FUBP1: variants seen among roughly 807,000 people sequenced by gnomAD.
The protein encoded by FUBP1 is far upstream element binding protein 1.
FUBP1 carries 16 observed loss-of-function variants against 94.9 expected under a neutral mutation model. That is an observed-to-expected ratio of 0.17 (90% CI 0.11 to 0.26). The LOEUF is 0.26. Ranked by LOEUF, FUBP1 falls within the 10% of genes least tolerant of loss-of-function variation. The pLI, the probability that FUBP1 is intolerant of heterozygous loss-of-function variation, is 1.00. For missense variants in FUBP1, 583 were observed against 808.6 expected, an observed-to-expected ratio of 0.72 and a Z score of 3.38; for synonymous variants, 279 against 254.9, an observed-to-expected ratio of 1.09 and a Z score of -0.90.
rs1252596672 is a variant in FUBP1, at chr1:77,966,866, A to C, written c.415+18T>G. The C allele has an allele frequency of 4.6e-6, 7 of 1,507,720 alleles. No individual in the cohort carries two copies. The highest frequency in any genetic ancestry group is 6.4e-6 in the Non-Finnish European group (7 of 1,085,486). The allele number at this position is 1,507,720 out of a possible 1,614,324, so 93.4% of individuals were successfully genotyped here. On this transcript the variant is annotated intron_variant, in intron 6 of 19. Transcript: ENST00000370768. ...GTTTTCTAGTCACACTGAAAATACC[A>C]TGAGAATGTAACATTACCAGGAGCT...
In FUBP1 at chr1:77,947,703, T is replaced by G; in HGVS notation, c.*1063A>C. The G allele has an allele frequency of 1.8e-6, 1 of 563,146 alleles. No homozygotes were observed. Among genetic ancestry groups the G allele is most frequent in the South Asian group, 1.8e-5 (1 of 54,856 alleles). The allele number at this position is 563,146 out of a possible 1,614,324, so 34.9% of individuals were successfully genotyped here. ...AGTGTTAAAGAGTAATAAAATGACTTCAAGTACATAAAAAAATTAAGTTGA... is the reference window on the plus strand; with the variant it reads ...AGTGTTAAAGAGTAATAAAATGACTGCAAGTACATAAAAAAATTAAGTTGA... On this transcript the variant is annotated 3_prime_UTR_variant, in exon 20 of 20. Coordinates refer to ENST00000370768, the MANE Select transcript of FUBP1 (RefSeq NM_003902.5).
At position 77,948,551 on chromosome 1, in the gene FUBP1, AAAAC is replaced by A; in HGVS notation, c.*211_*214del. The stretch of plus-strand genomic sequence containing the variant: ...ATGTGTACATCTACACTAAATACTA[AAAAC>A]AAACCAATTTTCATTTCTACACAGA... On this transcript the variant is annotated 3_prime_UTR_variant, in exon 20 of 20. Transcript: ENST00000370768. The A allele has an allele frequency of 3.8e-6, 5 of 1,308,830 alleles. No individual in the cohort carries two copies. The highest frequency in any genetic ancestry group is 4.9e-6 in the Non-Finnish European group (5 of 1,016,196). The allele number at this position is 1,308,830 out of a possible 1,614,324, so 81.1% of individuals were successfully genotyped here.
At chr1:77,949,018 C>T in intron 19 of FUBP1, 137 bp downstream of exon 19, 1 of 953,020 alleles carries the variant, frequency 1.0e-6, no homozygotes, top group Non-Finnish European at 1.6e-6. Context: ...AAACAATACA[C>T]CGTAGTACTT....
chr1:77,952,151 T>C (rs1379903234), intron 18 of FUBP1, among the ~76,000 whole-genome samples: 3 of 152,086 alleles, frequency 2.0e-5, no homozygotes, highest in African/African-American at 7.2e-5. Context: ...GGCAGAAGAA[T>C]TGCTTCAACC....
rs1287182809 is a variant in FUBP1, at chr1:77,949,263, A to C, written c.1818T>G (p.Gly606=). The change falls in exon 19 of 20, where the codon GGT becomes GGG. Residue 606 remains glycine (G), a synonymous_variant. Coordinates refer to ENST00000370768, the MANE Select transcript of FUBP1 (RefSeq NM_003902.5). ...AGGCTGCACTATAATCTGGCTGACC[A>C]CCTGGAGGAGCCCCAGTCGGAGCAG... ...AVPAPTGAPP[G]GQPDYSAAWA... 2 of 1,613,806 alleles carry C rather than the reference A, an allele frequency of 1.2e-6. No individual in the cohort carries two copies. Among genetic ancestry groups the C allele is most frequent in the Non-Finnish European group, 1.7e-6 (2 of 1,179,698 alleles).
rs1354358787 is a variant in FUBP1, at chr1:77,967,562, T to C, written c.290+65A>G. ...ACATATTCAATATACACCAATGTGG[T>C]TGTGTTTTTACATACAGCTCAACCA... On this transcript the variant is annotated intron_variant, in intron 4 of 19. Coordinates refer to ENST00000370768, the MANE Select transcript of FUBP1 (RefSeq NM_003902.5). 8 of 1,184,664 alleles carry C rather than the reference T, an allele frequency of 6.8e-6. No homozygotes were observed. In the Admixed American group the frequency reaches 7.2e-5, roughly 11 times the overall value. 73.4% of individuals were successfully genotyped at this position (1,184,664 alleles called of 1,614,324 possible).
rs1651972534 is a variant in FUBP1 at position 77,945,575 on chromosome 1, CT to C, written c.*3190del. 4.7e-6 allele frequency: 1 copy of C among 212,596 alleles called. No individual in the cohort carries two copies. The highest frequency in any genetic ancestry group is 9.5e-6 in the Non-Finnish European group (1 of 104,958). 13.2% of individuals were successfully genotyped at this position (212,596 alleles called of 1,614,324 possible). On this transcript the variant is annotated 3_prime_UTR_variant, in exon 20 of 20. Coordinates refer to ENST00000370768, the MANE Select transcript of FUBP1 (RefSeq NM_003902.5). ...AATGGCATACACTCAAAGGATTCCT[CT>C]TTATGGGTAACTATCTCAGGACCTG...
At chr1:77,965,317 ACTC>A (rs1656273217) in intron 7 of FUBP1, 86 bp from the exon 8 acceptor site, 1 of 814,808 alleles carries the variant, frequency 1.2e-6, no homozygotes, top group Non-Finnish European at 1.9e-6. Flanking sequence ...ATAACCAAGT[ACTC>A]CTCCTATCCC....
At chr1:77,963,450 TAAG>T (rs1366872374) in intron 13 of FUBP1, 121 bp downstream of exon 13, 1 of 564,748 alleles carries the variant, frequency 1.8e-6, no homozygotes, top group East Asian at 3.0e-5. Flanking sequence ...CATATTAACA[TAAG>T]AATTCTTTTC....
At chr1:77,955,531 C>T (rs550489911) in intron 17 of FUBP1, 2 of 485,270 alleles carry the variant, frequency 4.1e-6, no homozygotes, top group African/African-American at 4.0e-5. Context: ...GAAAAGAAAA[C>T]CAACCTGTTT....
intron 19 of FUBP1, 33 bp downstream of exon 19, chr1:77,949,122 G>C (rs777472929): frequency 1.3e-6 from 2 of 1,585,780 alleles, no homozygotes; most frequent in South Asian, 2.2e-5. Flanking sequence ...ACAGACTGGA[G>C]TAGAAATCAA....
At chr1:77,957,713 T>A (rs1003937289) in intron 16 of FUBP1, among the ~76,000 whole-genome samples, 2 of 152,196 alleles carry the variant, frequency 1.3e-5, no homozygotes, top group Non-Finnish European at 2.9e-5. Context: ...TGCAAGGTAA[T>A]ATAATTGTAA....
chr1:77,974,323 G>A (rs980504803), intron 1 of FUBP1, among the ~76,000 whole-genome samples: 32 of 151,880 alleles, frequency 2.1e-4, no homozygotes, highest in African/African-American at 7.2e-4. Flanking sequence ...TAGTAGAGAC[G>A]GGGTTTCACC....
At position 77,947,894 on chromosome 1, in the gene FUBP1, AACAC is replaced by A; in HGVS notation, c.*868_*871del. 3 of 1,062,392 alleles carry A rather than the reference AACAC, an allele frequency of 2.8e-6. No individual in the cohort carries two copies. The highest frequency in any genetic ancestry group is 3.5e-6 in the Non-Finnish European group (3 of 859,416). The allele number at this position is 1,062,392 out of a possible 1,614,324, so 65.8% of individuals were successfully genotyped here. A position where few individuals can be genotyped will look rare whatever the true frequency, so the allele number is the denominator to read the frequency against. On this transcript the variant is annotated 3_prime_UTR_variant, in exon 20 of 20. Transcript: ENST00000370768. ...CTTTTCTATCCTAAATTTAGAAAGA[AACAC>A]ACTAACATTATATACATTGAAAGAG...
chr1:77,959,081 C>A (rs1480113805), intron 16 of FUBP1, among the ~76,000 whole-genome samples: 2 of 152,154 alleles, frequency 1.3e-5, no homozygotes, highest in African/African-American at 2.4e-5. Flanking sequence ...CAGCACACTT[C>A]CTATGAAGTT....
Position 77,948,648 on chromosome 1 carries a change from A to C in FUBP1, c.*118T>G. ...TTCAAAAAAAAAAAAAAAAAAGGAA[A>C]CACTATTTTAAACCAAAAACAAAAT... On this transcript the variant is annotated 3_prime_UTR_variant, in exon 20 of 20. Transcript: ENST00000370768. 7.0e-7 allele frequency: 1 copy of C among 1,424,876 alleles called. No homozygotes were observed. The highest frequency in any genetic ancestry group is 9.3e-7 in the Non-Finnish European group (1 of 1,075,766). The allele number at this position is 1,424,876 out of a possible 1,614,324, so 88.3% of individuals were successfully genotyped here.
chr1:77,974,589 G>A (rs539718076), intron 1 of FUBP1, among the ~76,000 whole-genome samples: 6 of 152,226 alleles, frequency 3.9e-5, no homozygotes, highest in East Asian at 1.9e-4. Context: ...CAAAGACAAC[G>A]TCATAGTTAA....
intron 2 of FUBP1, among the ~76,000 whole-genome samples, 167 bp downstream of exon 2, chr1:77,969,758 T>C (rs1432962218): frequency 6.6e-6 from 1 of 152,076 alleles, no homozygotes; most frequent in African/African-American, 2.4e-5. Flanking sequence ...CAAATTTTAC[T>C]TACCTTGTCT....
intron 8 of FUBP1, 43 bp downstream of exon 8, chr1:77,965,026 T>A: frequency 6.3e-7 from 1 of 1,595,980 alleles, no homozygotes; most frequent in Non-Finnish European, 8.6e-7. Context: ...AAAATGGGCA[T>A]CAAAACAGAT....
Sources: allele counts gnomAD v4.1 joint callset (sites outside exome capture counted in the v4.1 genomes callset), GRCh38; gene constraint gnomAD v4.1.1; transcripts MANE v1.5; gene names NCBI Gene and HGNC (gene_info 2026-07-23, HGNC 2026-07-21).